Variants in TRPC7 observed in about 807,000 individuals in gnomAD.
TRPC7 encodes the protein transient receptor potential cation channel subfamily C member 7.
A neutral mutation model predicts 90.1 loss-of-function variants in TRPC7; 42 were observed. The ratio of observed to expected loss-of-function variants is 0.47; its 90% CI spans 0.36 to 0.60. TRPC7 has a LOEUF of 0.60. TRPC7 is among the 20% of genes least tolerant of loss of function. TRPC7 has a pLI of 0.00. For synonymous variants in TRPC7, 451 were observed against 436.3 expected (o/e 1.03, Z -0.42); for missense variants, 955 against 1,112.3 (o/e 0.86, Z 2.01).
intron 2 of TRPC7, among the ~76,000 whole-genome samples, chr5:136,350,379 T>C (rs1214772887): frequency 2.6e-5 from 4 of 152,188 alleles, no homozygotes; most frequent in Non-Finnish European, 5.9e-5. Context: ...GTCTCTTTTA[T>C]CACACTCAAA....
intron 3 of TRPC7, among the ~76,000 whole-genome samples, chr5:136,283,849 G>A (rs1341339382): frequency 6.6e-6 from 1 of 152,116 alleles, no homozygotes; most frequent in Non-Finnish European, 1.5e-5. Flanking sequence ...GTGATTCTGG[G>A]CCTTATGCAA....
intron 2 of TRPC7, among the ~76,000 whole-genome samples, chr5:136,330,607 G>A (rs907338928): frequency 2.6e-5 from 4 of 152,256 alleles, no homozygotes; most frequent in African/African-American, 4.8e-5. Flanking sequence ...AGAGAAAGAT[G>A]AGGGCCTCTT....
chr5:136,349,687 C>T (rs1002505967), intron 2 of TRPC7, among the ~76,000 whole-genome samples: 50 of 152,126 alleles, frequency 3.3e-4, no homozygotes, highest in Admixed American at 3.1e-3. Flanking sequence ...TAGAAATTTC[C>T]TAGCAACTTG....
intron 2 of TRPC7, among the ~76,000 whole-genome samples, chr5:136,318,509 C>T (rs566511416): frequency 1.1e-4 from 16 of 152,318 alleles, no homozygotes; most frequent in Non-Finnish European, 1.8e-4. Flanking sequence ...CTCTCACCTT[C>T]CTTGGATATT....
In TRPC7 at chr5:136,311,116, C is replaced by T. The variant is rs868496324; in HGVS notation, c.963+4481G>A. Among the ~76,000 whole-genome samples, 38 of 152,198 alleles carry T rather than the reference C, an allele frequency of 2.5e-4. No individual in the cohort carries two copies. In the Middle Eastern group the frequency reaches 0.014, roughly 54 times the overall value. On this transcript the variant is annotated intron_variant, in intron 3 of 11. Coordinates refer to ENST00000513104, the MANE Select transcript of TRPC7 (RefSeq NM_020389.3). ...AGTTAAGGCCTCTCTCATGCAAAACCGGACTCTCTGGGTCTCTTTGTCCCA... is the reference window on the plus strand; with the variant it reads ...AGTTAAGGCCTCTCTCATGCAAAACTGGACTCTCTGGGTCTCTTTGTCCCA...
At chr5:136,258,067 T>G (rs1382641147) in intron 5 of TRPC7, among the ~76,000 whole-genome samples, 1 of 152,190 alleles carries the variant, frequency 6.6e-6, no homozygotes, top group African/African-American at 2.4e-5. Flanking sequence ...GGAGGTAACT[T>G]CAAGTACTAA....
At chr5:136,272,138 A>G (rs1417556120) in intron 4 of TRPC7, among the ~76,000 whole-genome samples, 2 of 152,230 alleles carry the variant, frequency 1.3e-5, no homozygotes, top group East Asian at 3.8e-4. Flanking sequence ...TCAAGGTCTA[A>G]GTTTTCAGAA....
At chr5:136,265,018 T>C (rs116496882) in intron 5 of TRPC7, among the ~76,000 whole-genome samples, 1,956 of 152,286 alleles carry the variant, frequency 0.013, 43 homozygotes, top group African/African-American at 0.044. Flanking sequence ...ATTTTTCCAA[T>C]TGGTCTCAGC....
intron 5 of TRPC7, among the ~76,000 whole-genome samples, chr5:136,261,556 C>T (rs924205248): frequency 3.9e-5 from 6 of 152,204 alleles, no homozygotes; most frequent in Admixed American, 3.3e-4. Context: ...TGTCATGTCT[C>T]TGGCCTCATC....
intron 1 of TRPC7, among the ~76,000 whole-genome samples, chr5:136,362,121 T>C (rs1427106994): frequency 6.6e-6 from 1 of 152,202 alleles, no homozygotes; most frequent in Non-Finnish European, 1.5e-5. Context: ...ACAATAGTTA[T>C]ATTTAACATA....
chr5:136,231,596 A>C lies in TRPC7; in HGVS notation c.1845-47T>G, dbSNP rs760718631. On this transcript the variant is annotated intron_variant, in intron 7 of 11. Coordinates refer to ENST00000513104, the MANE Select transcript of TRPC7 (RefSeq NM_020389.3). ...TTTTACGCAGTTTGCATCAGCTTGAACTTTTATTTATTCATTCATTTATCT... is the reference window on the plus strand; with the variant it reads ...TTTTACGCAGTTTGCATCAGCTTGACCTTTTATTTATTCATTCATTTATCT... The C allele has an allele frequency of 8.7e-6, 13 of 1,491,106 alleles. No homozygotes were observed. The East Asian group carries it at 2.4e-4, about 27-fold the overall frequency. 92.4% of individuals were successfully genotyped at this position (1,491,106 alleles called of 1,614,324 possible).
At chr5:136,285,033 G>C (rs1008292305) in intron 3 of TRPC7, among the ~76,000 whole-genome samples, 2 of 152,220 alleles carry the variant, frequency 1.3e-5, no homozygotes, top group African/African-American at 4.8e-5. Context: ...AAAGGGCACA[G>C]ATTAAGAACT....
intron 3 of TRPC7, among the ~76,000 whole-genome samples, chr5:136,297,376 A>G (rs1758217544): frequency 6.6e-6 from 1 of 152,182 alleles, no homozygotes; most frequent in Admixed American, 6.5e-5. Flanking sequence ...CTATCAGAAG[A>G]AGAGTAAGCA....
chr5:136,363,227 C>T lies in TRPC7; in HGVS notation c.2+2026G>A, dbSNP rs533052594. ...GACATTCTCACTTCTTCACACTACT[C>T]CTGAAAATTTTTACATATTTCCCAA... On this transcript the variant is annotated intron_variant, in intron 1 of 11. Coordinates refer to ENST00000513104, the MANE Select transcript of TRPC7 (RefSeq NM_020389.3). Among the ~76,000 whole-genome samples the T allele has an allele frequency of 1.8e-4, 28 of 152,238 alleles. No homozygotes were observed. The East Asian group carries it at 5.4e-3, about 29-fold the overall frequency.
chr5:136,333,593 G>T (rs574879496), intron 2 of TRPC7, among the ~76,000 whole-genome samples: 2 of 152,222 alleles, frequency 1.3e-5, no homozygotes, highest in Non-Finnish European at 2.9e-5. Flanking sequence ...GACAGCTTCA[G>T]TGTTTCAGAT....
chr5:136,305,490 C>G (rs961889469), intron 3 of TRPC7, among the ~76,000 whole-genome samples: 3 of 152,146 alleles, frequency 2.0e-5, no homozygotes, highest in Admixed American at 1.3e-4. Context: ...CCCTTCCCTA[C>G]ACATCAAGCT....
chr5:136,311,328 G>C (rs1287061089), intron 3 of TRPC7, among the ~76,000 whole-genome samples: 1 of 152,180 alleles, frequency 6.6e-6, no homozygotes, highest in East Asian at 1.9e-4. Flanking sequence ...ATGGATGAGA[G>C]TGTGTCTTCT....
chr5:136,261,084 T>C (rs1756844209), intron 5 of TRPC7, among the ~76,000 whole-genome samples: 2 of 152,176 alleles, frequency 1.3e-5, no homozygotes, highest in South Asian at 2.1e-4. Flanking sequence ...TGCTACCTCA[T>C]ACCTCTCAAC....
chr5:136,305,165 C>T (rs994483267), intron 3 of TRPC7, among the ~76,000 whole-genome samples: 3 of 152,210 alleles, frequency 2.0e-5, no homozygotes, highest in Non-Finnish European at 2.9e-5. Flanking sequence ...TTCAATCTGG[C>T]TTCCCATATT....
Sources: gnomAD v4.1 joint callset for allele counts (sites outside exome capture counted in the v4.1 genomes callset) on GRCh38, gnomAD v4.1.1 for gene constraint, MANE v1.5 for transcripts, NCBI Gene and HGNC (gene_info 2026-07-23, HGNC 2026-07-21) for gene names.